Variants in CPEB3 observed in about 807,000 individuals in gnomAD.
CPEB3 encodes the protein cytoplasmic polyadenylation element binding protein 3, also known as cytoplasmic polyadenylation element-binding protein 3.
A neutral mutation model predicts 67.2 loss-of-function variants in CPEB3; 20 were observed. The ratio of observed to expected loss-of-function variants is 0.30; its 90% confidence interval spans 0.21 to 0.43. The LOEUF (loss-of-function observed/expected upper bound fraction) is 0.43, where lower values mean the gene tolerates loss of function less well. Among genes scored for constraint, CPEB3 ranks in the 20% least tolerant of loss-of-function variants. CPEB3 has a pLI of 1.00. For missense variants in CPEB3, 746 were observed against 968.6 expected, an observed-to-expected ratio of 0.77 and a Z score of 3.05; for synonymous variants, 376 against 393.1, an observed-to-expected ratio of 0.96 and a Z score of 0.51.
chr10:92,145,855 G>C (rs1345592398), intron 4 of CPEB3, among the ~76,000 whole-genome samples: 2 of 152,060 alleles, frequency 1.3e-5, no homozygotes, highest in Non-Finnish European at 2.9e-5. Flanking sequence ...TCTAAAGAGT[G>C]GTCCTGATAG....
At chr10:92,084,885 GT>G (rs1452324252) in intron 8 of CPEB3, among the ~76,000 whole-genome samples, 1 of 152,078 alleles carries the variant, frequency 6.6e-6, no homozygotes, top group African/African-American at 2.4e-5. Flanking sequence ...GGCCTCATCT[GT>G]ATTTTAACTA....
chr10:92,234,745 G>A (rs1454373349), intron 2 of CPEB3, among the ~76,000 whole-genome samples: 2 of 152,052 alleles, frequency 1.3e-5, no homozygotes, highest in Admixed American at 1.3e-4. Context: ...GACCAATATG[G>A]TAAACCCCGT....
intron 7 of CPEB3, among the ~76,000 whole-genome samples, chr10:92,108,604 T>A (rs1844582115): frequency 6.6e-6 from 1 of 152,216 alleles, no homozygotes; most frequent in Non-Finnish European, 1.5e-5. Flanking sequence ...TAAAACTGTT[T>A]ATGCTGGAAA....
At chr10:92,246,364 A>T (rs1424536033) in intron 1 of CPEB3, among the ~76,000 whole-genome samples, 1 of 151,918 alleles carries the variant, frequency 6.6e-6, no homozygotes, top group African/African-American at 2.4e-5. Flanking sequence ...AAAACAAAAA[A>T]ATAAAATAAA....
intron 2 of CPEB3, among the ~76,000 whole-genome samples, chr10:92,215,581 A>G (rs1474160913): frequency 4.1e-5 from 6 of 145,464 alleles, no homozygotes; most frequent in Non-Finnish European, 7.5e-5. Context: ...AGCTGGGATT[A>G]CAGGCGCCCA....
At chr10:92,193,897 C>T (rs913538396) in intron 2 of CPEB3, among the ~76,000 whole-genome samples, 2 of 150,548 alleles carry the variant, frequency 1.3e-5, no homozygotes, top group African/African-American at 2.4e-5. Context: ...CCTGGGTTCA[C>T]GCCATTCTCC....
chr10:92,120,117 A>C (rs1156338664), intron 6 of CPEB3, among the ~76,000 whole-genome samples: 2 of 129,060 alleles, frequency 1.5e-5, no homozygotes, highest in East Asian at 2.3e-4. Flanking sequence ...AAAAAAAAAA[A>C]CCAAATTGCT....
At chr10:92,270,046 A>T in intron 1 of CPEB3, among the ~76,000 whole-genome samples, 1 of 144,272 alleles carries the variant, frequency 6.9e-6, no homozygotes, top group African/African-American at 2.5e-5. Flanking sequence ...GGTGGGGGGG[A>T]AGGTAAGAGG....
chr10:92,229,247 T>C (rs1851144875), intron 2 of CPEB3, among the ~76,000 whole-genome samples: 1 of 152,114 alleles, frequency 6.6e-6, no homozygotes, highest in African/African-American at 2.4e-5. Flanking sequence ...TTGCCCAAGC[T>C]GGTTTCGAAC....
At chr10:92,188,063 GCCTGTGCCT>G (rs770219889) in intron 3 of CPEB3, among the ~76,000 whole-genome samples, 3 of 151,966 alleles carry the variant, frequency 2.0e-5, no homozygotes, top group Non-Finnish European at 4.4e-5. Context: ...CAGGCATGGT[GCCTGTGCCT>G]CTAGTACCAG....
At chr10:92,245,621 T>C (rs1370729182) in intron 1 of CPEB3, among the ~76,000 whole-genome samples, 2 of 152,216 alleles carry the variant, frequency 1.3e-5, no homozygotes, top group Non-Finnish European at 2.9e-5. Flanking sequence ...AGCTCCACTT[T>C]TGCCAAGGTG....
intron 2 of CPEB3, among the ~76,000 whole-genome samples, chr10:92,197,322 G>A (rs1564857256): frequency 1.3e-5 from 2 of 152,108 alleles, no homozygotes; most frequent in African/African-American, 4.8e-5. Context: ...GCTGAAATAA[G>A]TGATTAACCA....
chr10:92,079,541 T>G (rs192187197), intron 9 of CPEB3, among the ~76,000 whole-genome samples: 4 of 152,334 alleles, frequency 2.6e-5, no homozygotes, highest in Non-Finnish European at 4.4e-5. Context: ...AAAGAATGTT[T>G]CAAAATTCTA....
chr10:92,250,430 T>C (rs530053043), intron 1 of CPEB3, among the ~76,000 whole-genome samples: 19 of 152,240 alleles, frequency 1.2e-4, no homozygotes, highest in Admixed American at 4.6e-4. Context: ...AGTTAAAATA[T>C]TGCAATAAGC....
chr10:92,256,955 T>C (rs908561346), intron 1 of CPEB3, among the ~76,000 whole-genome samples: 3 of 152,258 alleles, frequency 2.0e-5, no homozygotes, highest in African/African-American at 7.2e-5. Context: ...ATAGAGATAC[T>C]GGATAAAAGT....
intron 2 of CPEB3, among the ~76,000 whole-genome samples, chr10:92,238,964 T>C (rs942312445): frequency 6.6e-6 from 1 of 152,154 alleles, no homozygotes; most frequent in Non-Finnish European, 1.5e-5. Context: ...TAACCTGAAA[T>C]GTGTAGCTAC....
chr10:92,047,218 T>C lies in CPEB3; in HGVS notation c.*4994A>G, dbSNP rs1001281929. 1.9e-4 allele frequency: 28 copies of C among 151,338 alleles called. No homozygotes were observed. Among genetic ancestry groups the C allele is most frequent in the Non-Finnish European group, 3.2e-4 (22 of 67,938 alleles). The allele number at this position is 151,338 out of a possible 1,614,324, so 9.4% of individuals were successfully genotyped here. Reference sequence around the variant, plus strand: ...AATTATAAAACACTCTGTGGTAAGATGGAACACTATTGCAGCTGAGATAGA... The same window carrying C: ...AATTATAAAACACTCTGTGGTAAGACGGAACACTATTGCAGCTGAGATAGA... On this transcript the variant is annotated 3_prime_UTR_variant, in exon 10 of 10. Coordinates refer to ENST00000265997, the MANE Select transcript of CPEB3 (RefSeq NM_014912.5).
chr10:92,091,787 T>G, intron 8 of CPEB3, 43 bp downstream of exon 8: 1 of 1,202,840 alleles, frequency 8.3e-7, no homozygotes, highest in Non-Finnish European at 1.2e-6. Context: ...GGGGATTTTG[T>G]TGTTGTTGGT....
intron 1 of CPEB3, among the ~76,000 whole-genome samples, chr10:92,289,838 TA>T (rs1196376850): frequency 7.4e-6 from 1 of 134,494 alleles, no homozygotes; most frequent in Admixed American, 8.6e-5. Flanking sequence ...ATATTATATA[TA>T]ATACAAATAT....
Sources: gnomAD v4.1 joint callset for allele counts (sites outside exome capture counted in the v4.1 genomes callset) on GRCh38, gnomAD v4.1.1 for gene constraint, MANE v1.5 for transcripts, NCBI Gene and HGNC (gene_info 2026-07-23, HGNC 2026-07-21) for gene names.